TENM2: variants seen among roughly 807,000 people sequenced by gnomAD.
The protein encoded by TENM2 is teneurin-2.
TENM2 carries 52 observed loss-of-function variants against 245.2 expected under a neutral mutation model. The ratio of observed to expected loss-of-function variants is 0.21; its 90% CI spans 0.17 to 0.27. The LOEUF is 0.27. Among genes scored for constraint, TENM2 ranks in the 10% least tolerant of loss-of-function variants. TENM2 has a pLI of 1.00. For missense variants in TENM2, 3,046 were observed against 3,666.8 expected (o/e 0.83, Z 4.37); for synonymous variants, 1,363 against 1,438.9 (o/e 0.95, Z 1.19).
At chr5:167,597,272 C>A (rs1334154867) in intron 2 of TENM2, among the ~76,000 whole-genome samples, 1 of 148,962 alleles carries the variant, frequency 6.7e-6, no homozygotes, top group Non-Finnish European at 1.5e-5. Flanking sequence ...TCAAGTGATT[C>A]TCCTGCCTCA....
chr5:167,055,514 C>A, the TENM2 span, among the ~76,000 whole-genome samples: 2 of 152,092 alleles, frequency 1.3e-5, no homozygotes, highest in Non-Finnish European at 2.9e-5. Flanking sequence ...GACATTTTGA[C>A]AAGATTGAGT....
chr5:167,861,681 A>C (rs1771824885), intron 2 of TENM2, among the ~76,000 whole-genome samples: 1 of 152,182 alleles, frequency 6.6e-6, no homozygotes, highest in South Asian at 2.1e-4. Context: ...TCAACACTGT[A>C]ATTTTATCAA....
chr5:167,385,854 ATATGTGTGTGTGTGTG>A (rs1346672353), intron 2 of TENM2, among the ~76,000 whole-genome samples: 1 of 130,198 alleles, frequency 7.7e-6, no homozygotes, highest in South Asian at 2.6e-4. Context: ...CATTATATAT[ATATGTGTGTGTGTGTG>A]TGTGTGTGTG....
At chr5:167,422,108 G>A (rs976576749) in intron 2 of TENM2, among the ~76,000 whole-genome samples, 1 of 152,060 alleles carries the variant, frequency 6.6e-6, no homozygotes, top group Non-Finnish European at 1.5e-5. Flanking sequence ...TCTTAAGAAT[G>A]TTTTGTCTAC....
the TENM2 span, among the ~76,000 whole-genome samples, chr5:167,030,976 T>C: frequency 1.3e-5 from 2 of 152,184 alleles, no homozygotes; most frequent in African/African-American, 4.8e-5. Flanking sequence ...CAGAATCACC[T>C]AAGGAGTTGC....
chr5:166,992,304 G>A, the TENM2 span, among the ~76,000 whole-genome samples: 39 of 152,284 alleles, frequency 2.6e-4, no homozygotes, highest in African/African-American at 8.7e-4. Context: ...CCTCTTTTCC[G>A]AGGTTTGTTT....
upstream of TENM2, among the ~76,000 whole-genome samples, chr5:167,281,404 C>G (rs559893323): frequency 6.6e-6 from 1 of 151,830 alleles, no homozygotes; most frequent in Non-Finnish European, 1.5e-5. Flanking sequence ...CGTGAGCCAC[C>G]GCACCAGGCT....
chr5:167,260,135 G>A, the TENM2 span, among the ~76,000 whole-genome samples: 101 of 152,026 alleles, frequency 6.6e-4, no homozygotes, highest in Non-Finnish European at 9.7e-4. Context: ...TTTTCTCTGT[G>A]ACTAACAAGT....
intron 2 of TENM2, among the ~76,000 whole-genome samples, chr5:167,818,290 G>A (rs1037809340): frequency 4.6e-5 from 7 of 152,130 alleles, no homozygotes; most frequent in Admixed American, 3.9e-4. Context: ...GATGACTACG[G>A]TGCTTTGCAC....
At chr5:167,711,338 G>T (rs938409663) in intron 2 of TENM2, among the ~76,000 whole-genome samples, 1 of 152,218 alleles carries the variant, frequency 6.6e-6, no homozygotes, top group Non-Finnish European at 1.5e-5. Context: ...GTCTGGGATA[G>T]TAAGTGCAGA....
chr5:167,982,372 T>C (rs1026597031), intron 4 of TENM2, among the ~76,000 whole-genome samples: 3 of 152,218 alleles, frequency 2.0e-5, no homozygotes, highest in African/African-American at 7.2e-5. Context: ...TCTAGTACCA[T>C]GTGATATATA....
intron 2 of TENM2, among the ~76,000 whole-genome samples, chr5:167,874,683 G>A (rs1040575988): frequency 6.6e-6 from 1 of 152,200 alleles, no homozygotes; most frequent in Non-Finnish European, 1.5e-5. Context: ...CAAGATGGAA[G>A]GATGAAGCAG....
intron 28 of TENM2, 145 bp downstream of exon 30, chr5:168,260,558 G>A: frequency 1.1e-6 from 1 of 885,240 alleles, no homozygotes; most frequent in Non-Finnish European, 1.7e-6. Context: ...GACTTCCCAG[G>A]AAAGCGAATG....
chr5:167,998,279 G>A (rs1019861631), intron 5 of TENM2, among the ~76,000 whole-genome samples: 7 of 152,128 alleles, frequency 4.6e-5, no homozygotes, highest in Non-Finnish European at 5.9e-5. Context: ...TGATGCCTTC[G>A]TTGTTGAGGT....
In TENM2 at chr5:167,777,609, G is replaced by A. The variant is rs541936593; in HGVS notation, c.503-98377G>A. ...CCTTGAAATTCTCTATAGTGTCCCC[G>A]TTTGTATAACTGCAAAATAGAGATA... is the stretch of plus-strand genomic sequence containing the variant. On this transcript the variant is annotated intron_variant, in intron 2 of 28. Transcript: ENST00000518659. 1.1e-4 allele frequency among the ~76,000 whole-genome samples: 16 copies of A among 152,240 alleles called. No individual in the cohort carries two copies. In the South Asian group the frequency reaches 3.1e-3, roughly 30 times the overall value.
At chr5:167,145,859 T>G in the TENM2 span, among the ~76,000 whole-genome samples, 1 of 152,190 alleles carries the variant, frequency 6.6e-6, no homozygotes, top group South Asian at 2.1e-4. Context: ...CACCGCTGAA[T>G]AGACAATGGG....
chr5:168,155,184 GT>G (rs1757044422), intron 12 of TENM2, among the ~76,000 whole-genome samples: 1 of 152,148 alleles, frequency 6.6e-6, no homozygotes, highest in Non-Finnish European at 1.5e-5. Context: ...TGCCACTGCT[GT>G]TCAGTATAAA....
chr5:167,896,052 G>A (rs1410376654), intron 3 of TENM2, among the ~76,000 whole-genome samples: 1 of 152,222 alleles, frequency 6.6e-6, no homozygotes, highest in East Asian at 1.9e-4. Flanking sequence ...AAGAACAAAA[G>A]CAAACAGATG....
At chr5:167,736,032 A>C (rs1450189697) in intron 2 of TENM2, among the ~76,000 whole-genome samples, 5 of 152,220 alleles carry the variant, frequency 3.3e-5, no homozygotes, top group Non-Finnish European at 7.3e-5. Flanking sequence ...GACATACCTA[A>C]GACTGAGTAA....
Sources: allele counts gnomAD v4.1 joint callset (sites outside exome capture counted in the v4.1 genomes callset), GRCh38; gene constraint gnomAD v4.1.1; transcripts MANE v1.5; gene names NCBI Gene and HGNC (gene_info 2026-07-23, HGNC 2026-07-21).